TMCO6: variants seen among roughly 807,000 people sequenced by gnomAD.
TMCO6 encodes the protein transmembrane and coiled-coil domain-containing protein 6.
TMCO6 carries 47 observed loss-of-function variants against 61.8 expected under a neutral mutation model. The ratio of observed to expected loss-of-function variants is 0.76; its 90% CI spans 0.60 to 0.97. The LOEUF is 0.97. TMCO6 is among the 50% of genes least tolerant of loss of function. The probability of loss-of-function intolerance (pLI) is 0.00; values close to 1 mark genes in which losing one functional copy is unlikely to be tolerated. For missense variants in TMCO6, 557 were observed against 601.6 expected (o/e 0.93, Z 0.78); for synonymous variants, 261 against 254.2 (o/e 1.03, Z -0.25).
chr5:140,600,782 T>A, the TMCO6 span, among the ~76,000 whole-genome samples: 5 of 152,174 alleles, frequency 3.3e-5, no homozygotes, highest in Non-Finnish European at 5.9e-5. Context: ...TGAATTTATG[T>A]GCCTTCTGTT....
the TMCO6 span, among the ~76,000 whole-genome samples, chr5:140,607,116 T>C: frequency 3.9e-5 from 6 of 152,200 alleles, no homozygotes; most frequent in Admixed American, 6.5e-5. Context: ...ATTCACAATA[T>C]TGTGCAACCA....
intron 9 of TMCO6, 56 bp from the exon 10 acceptor site, chr5:140,644,044 G>A: frequency 6.2e-7 from 1 of 1,613,216 alleles, no homozygotes. Context: ...GAGGTGGGTA[G>A]TATTGACAGG....
intron 6 of TMCO6, 124 bp downstream of exon 6, chr5:140,642,795 C>G: frequency 6.3e-7 from 1 of 1,588,714 alleles, no homozygotes; most frequent in Non-Finnish European, 8.6e-7. Context: ...CTAGGAAGGG[C>G]TTTGGGTTTG....
the TMCO6 span, among the ~76,000 whole-genome samples, chr5:140,605,311 CTTTA>C: frequency 6.6e-6 from 1 of 151,942 alleles, no homozygotes; most frequent in Admixed American, 6.6e-5. Context: ...AATTGGATGC[CTTTA>C]TTTATTTATT....
the TMCO6 span, among the ~76,000 whole-genome samples, chr5:140,606,891 G>C: frequency 6.6e-6 from 1 of 152,092 alleles, no homozygotes; most frequent in Admixed American, 6.6e-5. Context: ...ACAAGATGTG[G>C]GGGTGGAATA....
rs1004543503 is a variant in TMCO6 at position 140,641,954 on chromosome 5, T to G, written c.399T>G (p.His133Gln). The change falls in exon 4 of 12, where the codon CAT (histidine) becomes CAG (glutamine). Residue 133 changes from histidine to glutamine, a missense_variant. Coordinates refer to ENST00000394671, the MANE Select transcript of TMCO6 (RefSeq NM_018502.5). ...LLQLEAARCL[H>Q]ELSHSEQSTV... ...AGCTTGAGGCGGCTCGGTGCCTGCA[T>G]GAGCTCTCTCACTCCGAGCAGTCCA... 1.2e-6 allele frequency: 2 copies of G among 1,613,948 alleles called. No individual in the cohort carries two copies. Among genetic ancestry groups the G allele is most frequent in the Non-Finnish European group, 1.7e-6 (2 of 1,179,922 alleles).
chr5:140,607,768 T>A, the TMCO6 span, among the ~76,000 whole-genome samples: 1 of 150,416 alleles, frequency 6.6e-6, no homozygotes, highest in Non-Finnish European at 1.5e-5. Context: ...TGAAGTGGTA[T>A]CTCATTGTGG....
At chr5:140,632,001 C>T in the TMCO6 span, 1 of 1,614,114 alleles carries the variant, frequency 6.2e-7, no homozygotes, top group Non-Finnish European at 8.5e-7. The surrounding 1 kb of genome is among the most constrained non-coding windows in gnomAD (Gnocchi z 6.2). Context: ...GAAGGGATTC[C>T]CGTCCAGTGT....
In TMCO6 at chr5:140,642,412, G is replaced by A. The variant is rs779467512; in HGVS notation, c.596G>A (p.Cys199Tyr). ...PQGIVPALAACIQSPHVAVLE... is the reference protein window; with the variant it reads ...PQGIVPALAAYIQSPHVAVLE... ...GGCATTGTTCCAGCCTTGGCTGCCT[G>A]CATCCAGGTGACTCCTTTCTTCCTC... is the stretch of plus-strand genomic sequence containing the variant. The change falls in exon 5 of 12, where the codon TGC becomes TAC. Residue 199 changes from cysteine (C) to tyrosine (Y), a missense_variant. Cys to Tyr is a radical substitution (Grantham distance 194, BLOSUM62 -2). Coordinates refer to ENST00000394671, the MANE Select transcript of TMCO6 (RefSeq NM_018502.5). The A allele has an allele frequency of 1.2e-6, 2 of 1,612,386 alleles. No individual in the cohort carries two copies. Among genetic ancestry groups the A allele is most frequent in the Non-Finnish European group, 1.7e-6 (2 of 1,179,148 alleles).
At chr5:140,646,369 T>C (rs1488211409), downstream of TMCO6, among the ~76,000 whole-genome samples, 1 of 152,156 alleles carries the variant, frequency 6.6e-6, no homozygotes, top group Non-Finnish European at 1.5e-5. Flanking sequence ...CACAATACAC[T>C]AAAGTTACTC....
the TMCO6 span, among the ~76,000 whole-genome samples, chr5:140,616,581 A>T: frequency 1.3e-5 from 2 of 152,196 alleles, no homozygotes; most frequent in African/African-American, 4.8e-5. Context: ...AACATTGAAA[A>T]TTTAAAAAAT....
At chr5:140,620,748 C>T in the TMCO6 span, among the ~76,000 whole-genome samples, 12 of 152,186 alleles carry the variant, frequency 7.9e-5, no homozygotes, top group African/African-American at 9.6e-5. Context: ...GGGTGGCTCA[C>T]GCCTGTAATC....
the TMCO6 span, among the ~76,000 whole-genome samples, chr5:140,600,540 A>G: frequency 6.7e-6 from 1 of 150,248 alleles, no homozygotes; most frequent in Non-Finnish European, 1.5e-5. Context: ...ATCTCGGCTC[A>G]CTGCAACCTT....
At chr5:140,643,136 G>A in intron 7 of TMCO6, 95 bp downstream of exon 7, 1 of 1,547,298 alleles carries the variant, frequency 6.5e-7, no homozygotes, top group South Asian at 1.2e-5. Context: ...TTGCTATAGT[G>A]AGTTTTCCTC....
chr5:140,620,993 A>G, the TMCO6 span, among the ~76,000 whole-genome samples: 57 of 152,238 alleles, frequency 3.7e-4, no homozygotes, highest in Middle Eastern at 0.017. Flanking sequence ...AACCTGGGGG[A>G]CAGAGTGAGA....
At chr5:140,632,519 C>T in the TMCO6 span, 1 of 1,614,190 alleles carries the variant, frequency 6.2e-7, no homozygotes, top group South Asian at 1.1e-5. The surrounding 1 kb of genome is among the most constrained non-coding windows in gnomAD (Gnocchi z 6.2). Flanking sequence ...AACGCCCTGT[C>T]GCCCACGACA....
chr5:140,599,990 G>T, the TMCO6 span, among the ~76,000 whole-genome samples: 2 of 151,926 alleles, frequency 1.3e-5, no homozygotes, highest in African/African-American at 4.8e-5. Flanking sequence ...GTCAATTCTA[G>T]GGGAAAAAGT....
chr5:140,646,761 G>A (rs1252247098), downstream of TMCO6, among the ~76,000 whole-genome samples: 1 of 152,156 alleles, frequency 6.6e-6, no homozygotes, highest in Non-Finnish European at 1.5e-5. Context: ...GTTGCAGCTA[G>A]AGTTTAACAA....
At chr5:140,612,166 A>C in the TMCO6 span, among the ~76,000 whole-genome samples, 1 of 152,168 alleles carries the variant, frequency 6.6e-6, no homozygotes, top group Non-Finnish European at 1.5e-5. Context: ...ACAACATTCC[A>C]CTGTTTCAGC....
Sources: allele counts gnomAD v4.1 joint callset (sites outside exome capture counted in the v4.1 genomes callset), GRCh38; gene constraint gnomAD v4.1.1; non-coding constraint Gnocchi (gnomAD v3.1); transcripts MANE v1.5; gene names NCBI Gene and HGNC (gene_info 2026-07-23, HGNC 2026-07-21).